The following NEGR1 variants were observed in gnomAD, a reference collection of about 807,000 sequenced individuals.
NEGR1 encodes IgLON family member 4.
NEGR1 carries 10 observed loss-of-function variants against 40.9 expected under a neutral mutation model. The observed-to-expected ratio is 0.24, with a 90% CI of 0.15 to 0.42. The LOEUF is 0.42. Ranked by LOEUF, NEGR1 falls within the 10% of genes least tolerant of loss-of-function variation. The pLI is 1.00. For synonymous variants in NEGR1, 185 were observed against 166.8 expected (o/e 1.11, Z -0.84); for missense variants, 352 against 438.9 (o/e 0.80, Z 1.77).
intron 1 of NEGR1, among the ~76,000 whole-genome samples, chr1:71,980,750 C>T (rs556301466): frequency 6.6e-6 from 1 of 152,222 alleles, no homozygotes; most frequent in South Asian, 2.1e-4. Context: ...AGCTCAAACT[C>T]TCTAGGTTGT....
chr1:71,781,828 C>A (rs1014434620), intron 2 of NEGR1, among the ~76,000 whole-genome samples: 1 of 152,084 alleles, frequency 6.6e-6, no homozygotes, highest in Admixed American at 6.6e-5. Context: ...GAGATCTATT[C>A]TCCAAATATG....
intron 3 of NEGR1, among the ~76,000 whole-genome samples, chr1:71,769,547 T>A (rs992627144): frequency 6.6e-6 from 1 of 152,206 alleles, no homozygotes; most frequent in African/African-American, 2.4e-5. Flanking sequence ...CTCATGATAG[T>A]GAGTGAGTTG....
intron 6 of NEGR1, among the ~76,000 whole-genome samples, chr1:71,411,924 C>T (rs1019941125): frequency 2.2e-4 from 34 of 152,088 alleles, no homozygotes; most frequent in Non-Finnish European, 5.9e-5. Context: ...TCACTTGAAC[C>T]CAGGAGGTGG....
chr1:71,496,284 G>C (rs556202472), intron 6 of NEGR1, among the ~76,000 whole-genome samples: 3 of 152,120 alleles, frequency 2.0e-5, no homozygotes, highest in East Asian at 3.9e-4. Context: ...AGAAGGAATA[G>C]AGGAATTAAA....
At chr1:72,022,209 G>C (rs1277064903) in intron 1 of NEGR1, among the ~76,000 whole-genome samples, 1 of 144,904 alleles carries the variant, frequency 6.9e-6, no homozygotes, top group African/African-American at 2.5e-5. Flanking sequence ...TTGTAAGTTG[G>C]ATATCAAAAC....
intron 3 of NEGR1, among the ~76,000 whole-genome samples, chr1:71,716,546 C>T (rs1481581037): frequency 1.3e-5 from 2 of 151,934 alleles, no homozygotes; most frequent in Non-Finnish European, 2.9e-5. Context: ...AAACATTGTT[C>T]AGTGTCTATG....
In NEGR1 at chr1:71,631,505, T is replaced by C. The variant is rs1482952276; in HGVS notation, c.668-20359A>G. On this transcript the variant is annotated intron_variant, in intron 4 of 6. Coordinates refer to ENST00000357731, the MANE Select transcript of NEGR1 (RefSeq NM_173808.3). ...TGGCATAATGCATTTCCAAAAGTCTTAGATGTTATTTCTTTGGCAAGTTGT... is the reference window on the plus strand; with the variant it reads ...TGGCATAATGCATTTCCAAAAGTCTCAGATGTTATTTCTTTGGCAAGTTGT... Among the ~76,000 whole-genome samples, 5 of 151,880 alleles carry C rather than the reference T, an allele frequency of 3.3e-5. No individual in the cohort carries two copies. The East Asian group carries it at 9.7e-4, about 29-fold the overall frequency.
At chr1:71,795,425 G>A (rs1657288320) in intron 2 of NEGR1, among the ~76,000 whole-genome samples, 2 of 151,954 alleles carry the variant, frequency 1.3e-5, no homozygotes, top group African/African-American at 4.8e-5. Context: ...TGCACATTAG[G>A]ACCATCTGAG....
Position 71,906,359 on chromosome 1 carries a change from A to G in NEGR1, c.409+28720T>C, listed in dbSNP as rs535769683. On this transcript the variant is annotated intron_variant, in intron 2 of 6. Coordinates refer to ENST00000357731, the MANE Select transcript of NEGR1 (RefSeq NM_173808.3). ...CTCAAGAGCTTATCCATGTAACCAA[A>G]CACCATCTGTTCCCCTAAAACGCTA... Among the ~76,000 whole-genome samples the G allele has an allele frequency of 4.6e-5, 7 of 152,130 alleles. No homozygotes were observed. In the South Asian group the frequency reaches 1.4e-3, roughly 32 times the overall value.
At chr1:71,853,504 C>G (rs1423430238) in intron 2 of NEGR1, among the ~76,000 whole-genome samples, 1 of 151,962 alleles carries the variant, frequency 6.6e-6, no homozygotes, top group East Asian at 1.9e-4. Context: ...CAGAATTCTT[C>G]CAAACCGTGC....
intron 1 of NEGR1, among the ~76,000 whole-genome samples, chr1:72,153,062 C>T (rs2100358880): frequency 6.6e-6 from 1 of 151,966 alleles, no homozygotes; most frequent in Non-Finnish European, 1.5e-5. Context: ...TACCCTAAAC[C>T]TCAGCATCAT....
intron 6 of NEGR1, among the ~76,000 whole-genome samples, chr1:71,464,728 GCTTT>G (rs1322259555): frequency 8.6e-5 from 13 of 152,042 alleles, no homozygotes; most frequent in African/African-American, 3.1e-4. Context: ...GGGAAAATAT[GCTTT>G]CCATAATTAA....
At chr1:71,614,959 C>T (rs1447478582) in intron 4 of NEGR1, among the ~76,000 whole-genome samples, 1 of 151,968 alleles carries the variant, frequency 6.6e-6, no homozygotes, top group Non-Finnish European at 1.5e-5. Flanking sequence ...TAAAATGTCA[C>T]ATGGAAATAT....
chr1:71,691,232 A>T (rs997607750), intron 4 of NEGR1, among the ~76,000 whole-genome samples: 3 of 151,962 alleles, frequency 2.0e-5, no homozygotes, highest in Non-Finnish European at 4.4e-5. Context: ...CTTTAACTGC[A>T]TGTTTAATAA....
At chr1:71,486,094 A>G (rs910328475) in intron 6 of NEGR1, among the ~76,000 whole-genome samples, 3 of 151,662 alleles carry the variant, frequency 2.0e-5, no homozygotes, top group African/African-American at 7.2e-5. Context: ...GTTGCTTCAC[A>G]TTCTCTTCAG....
intron 2 of NEGR1, among the ~76,000 whole-genome samples, chr1:71,819,791 G>A (rs940135682): frequency 3.3e-5 from 5 of 152,018 alleles, no homozygotes; most frequent in Non-Finnish European, 5.9e-5. Context: ...GGCTCTGGAG[G>A]AAAGGGATAA....
chr1:72,247,800 A>T (rs1301036449), intron 1 of NEGR1, among the ~76,000 whole-genome samples: 1 of 152,138 alleles, frequency 6.6e-6, no homozygotes, highest in East Asian at 1.9e-4. Flanking sequence ...GTATTAGGCC[A>T]TTCTTGTGTT....
At chr1:71,550,144 G>GT (rs995096900) in intron 6 of NEGR1, among the ~76,000 whole-genome samples, 2 of 151,554 alleles carry the variant, frequency 1.3e-5, no homozygotes, top group Admixed American at 6.6e-5. Context: ...CAGTCTTTGA[G>GT]TTTTTTTAGC....
intron 2 of NEGR1, among the ~76,000 whole-genome samples, chr1:71,906,251 G>A (rs1278191726): frequency 1.3e-5 from 2 of 152,036 alleles, no homozygotes; most frequent in East Asian, 3.9e-4. Flanking sequence ...AGGGGGAAAG[G>A]GAGTGAGGGA....
Sources: gnomAD v4.1 joint callset for allele counts (sites outside exome capture counted in the v4.1 genomes callset) on GRCh38, gnomAD v4.1.1 for gene constraint, MANE v1.5 for transcripts, NCBI Gene and HGNC (gene_info 2026-07-23, HGNC 2026-07-21) for gene names.